Variants in CDC42BPA observed in about 807,000 individuals in gnomAD.
CDC42BPA encodes the protein serine/threonine-protein kinase MRCK alpha.
Under a neutral mutation model 223.5 loss-of-function variants are expected in CDC42BPA, and 80 were observed. The observed-to-expected ratio is 0.36, with a 90% confidence interval of 0.30 to 0.43. The LOEUF is 0.43. Among genes scored for constraint, CDC42BPA ranks in the 20% least tolerant of loss-of-function variants. The pLI, the probability that CDC42BPA is intolerant of heterozygous loss-of-function variation, is 1.00. For missense variants in CDC42BPA, 1,743 were observed against 2,099.9 expected, an observed-to-expected ratio of 0.83 and a Z score of 3.32; for synonymous variants, 694 against 718.6, an observed-to-expected ratio of 0.97 and a Z score of 0.55.
intron 10 of CDC42BPA, among the ~76,000 whole-genome samples, chr1:227,131,194 C>G (rs1462699598): frequency 5.3e-5 from 8 of 152,162 alleles, no homozygotes; most frequent in Non-Finnish European, 8.8e-5. Context: ...CATAAATCCC[C>G]TACGGCAGAT....
chr1:227,170,519 T>G (rs963029836), intron 5 of CDC42BPA, among the ~76,000 whole-genome samples: 2 of 151,946 alleles, frequency 1.3e-5, no homozygotes, highest in African/African-American at 4.8e-5. Flanking sequence ...TTTCAGGGTG[T>G]ATGGTGGACA....
chr1:227,246,290 G>GTA (rs1343782589), intron 2 of CDC42BPA, among the ~76,000 whole-genome samples: 3 of 152,232 alleles, frequency 2.0e-5, no homozygotes, highest in African/African-American at 7.2e-5. Flanking sequence ...CACAGACGTA[G>GTA]TAAAAATAAA....
At chr1:227,261,561 ACAAT>A (rs2148368631) in intron 1 of CDC42BPA, among the ~76,000 whole-genome samples, 1 of 144,786 alleles carries the variant, frequency 6.9e-6, no homozygotes, top group East Asian at 1.9e-4. Context: ...TTTTAAATAT[ACAAT>A]CAAACTAATG....
intron 16 of CDC42BPA, among the ~76,000 whole-genome samples, chr1:227,088,518 T>C (rs1483978654): frequency 1.3e-5 from 2 of 152,190 alleles, no homozygotes; most frequent in African/African-American, 4.8e-5. Flanking sequence ...AAAATACCTG[T>C]TTTGTGGTGA....
chr1:227,133,174 C>A (rs1444354649), intron 10 of CDC42BPA, among the ~76,000 whole-genome samples: 1 of 148,816 alleles, frequency 6.7e-6, no homozygotes, highest in African/African-American at 2.5e-5. Context: ...AACTGAGGAA[C>A]CCCTCTGCCT....
chr1:227,177,651 A>C (rs1019290026), intron 5 of CDC42BPA, among the ~76,000 whole-genome samples: 6 of 152,120 alleles, frequency 3.9e-5, no homozygotes, highest in African/African-American at 1.4e-4. Context: ...GTTCTGGTGC[A>C]ATTCTAAAAG....
intron 2 of CDC42BPA, among the ~76,000 whole-genome samples, chr1:227,217,847 C>T (rs1402878256): frequency 6.6e-6 from 1 of 152,194 alleles, no homozygotes; most frequent in Non-Finnish European, 1.5e-5. Flanking sequence ...CTCACTCCTT[C>T]AATGAAATGT....
intron 11 of CDC42BPA, among the ~76,000 whole-genome samples, chr1:227,125,656 T>TC (rs1233258284): frequency 1.4e-5 from 2 of 144,898 alleles, no homozygotes; most frequent in East Asian, 4.2e-4. Flanking sequence ...ACATTAACCC[T>TC]CACTGGCTGA....
rs1053285878 is a variant in CDC42BPA at position 227,121,326 on chromosome 1, T to A, written c.1514-1389A>T. On this transcript the variant is annotated intron_variant, in intron 11 of 36. Coordinates refer to ENST00000366766, the MANE Select transcript of CDC42BPA (RefSeq NM_001394014.1). The stretch of plus-strand genomic sequence containing the variant: ...TGTTGAGACTGATGCTTTCAATAAA[T>A]GAAGCAGTGTTAATATGTTAGTCCT... 2.0e-5 allele frequency among the ~76,000 whole-genome samples: 3 copies of A among 152,238 alleles called. No homozygotes were observed. The East Asian group carries it at 5.8e-4, about 29-fold the overall frequency.
chr1:227,250,812 G>A (rs529211930), intron 2 of CDC42BPA, among the ~76,000 whole-genome samples: 1 of 152,270 alleles, frequency 6.6e-6, no homozygotes, highest in East Asian at 1.9e-4. Flanking sequence ...AGCACTTTGG[G>A]AGGCTGAGGC....
Position 227,040,179 on chromosome 1 carries a change from A to G in CDC42BPA, c.3151T>C (p.Cys1051Arg). 6.2e-7 allele frequency: 1 copy of G among 1,613,364 alleles called. No individual in the cohort carries two copies. Among genetic ancestry groups the G allele is most frequent in the Non-Finnish European group, 8.5e-7 (1 of 1,179,390 alleles). Reference protein sequence around the residue: ...SFTTPTKCHQCTSLMVGLIRQ... With the variant: ...SFTTPTKCHQRTSLMVGLIRQ... The stretch of plus-strand genomic sequence containing the variant: ...ATTAAACCCACCATCAAGGAGGTAC[A>G]CTGATGACACTTGGTAGGAGTAGTA... Residue 1051 changes from cysteine to arginine, a missense_variant, in exon 24 of 37, where the codon TGT (cysteine) becomes CGT (arginine). Around this residue, in one of 6 missense-constraint regions of CDC42BPA, gnomAD observed 678 missense variants for 777.5 expected, o/e 0.87. Coordinates refer to ENST00000366766, the MANE Select transcript of CDC42BPA (RefSeq NM_001394014.1).
At chr1:227,224,979 GA>G (rs910215468) in intron 2 of CDC42BPA, among the ~76,000 whole-genome samples, 15 of 151,736 alleles carry the variant, frequency 9.9e-5, no homozygotes, top group African/African-American at 2.9e-4. Context: ...CTAACAGAGG[GA>G]AAAAAAATCT....
intron 24 of CDC42BPA, 64 bp downstream of exon 24, chr1:227,040,067 G>GA (rs1671068019): frequency 1.0e-6 from 1 of 990,812 alleles, no homozygotes; most frequent in Non-Finnish European, 1.6e-6. Flanking sequence ...CTTTGAAAGA[G>GA]AATCAACTTA....
intron 16 of CDC42BPA, among the ~76,000 whole-genome samples, chr1:227,085,871 A>G (rs1406461191): frequency 1.3e-5 from 2 of 152,240 alleles, no homozygotes; most frequent in Non-Finnish European, 2.9e-5. Context: ...TTCACCCATT[A>G]TAAGTGTATA....
chr1:227,003,829 A>G (rs997318455), intron 35 of CDC42BPA, among the ~76,000 whole-genome samples: 4 of 151,004 alleles, frequency 2.6e-5, no homozygotes, highest in African/African-American at 9.9e-5. Flanking sequence ...TAAAAACAAA[A>G]AACAAACAAA....
At chr1:227,309,078 A>T (rs544410699) in intron 1 of CDC42BPA, among the ~76,000 whole-genome samples, 78 of 152,168 alleles carry the variant, frequency 5.1e-4, no homozygotes, top group African/African-American at 1.8e-3. Flanking sequence ...AGAAAAAAGA[A>T]AAAAGGCCAG....
rs34352900 is a variant in CDC42BPA at position 227,196,338 on chromosome 1, C to CTTTTTTTTTTTT, written c.451-2416_451-2405dup. Among the ~76,000 whole-genome samples the CTTTTTTTTTTTT allele has an allele frequency of 1.9e-4, 18 of 92,350 alleles. 2 individuals carry two copies. Among genetic ancestry groups the CTTTTTTTTTTTT allele is most frequent in the African/African-American group, 4.7e-4 (10 of 21,190 alleles). 60.6% of individuals were successfully genotyped at this position (92,350 alleles called of 152,430 possible). A position where few individuals can be genotyped will look rare whatever the true frequency, so the allele number is the denominator to read the frequency against. ...GCTTTCTTTTTACTATTAAACAATACTTTTTTTTTTTTTTTTTTTGAGACA... is the reference window on the plus strand; with the variant it reads ...GCTTTCTTTTTACTATTAAACAATACTTTTTTTTTTTTTTTTTTTTTTTTTTTTTTTGAGACA... On this transcript the variant is annotated intron_variant, in intron 4 of 36. Coordinates refer to ENST00000366766, the MANE Select transcript of CDC42BPA (RefSeq NM_001394014.1).
At chr1:227,094,021 T>G (rs531941947) in intron 15 of CDC42BPA, among the ~76,000 whole-genome samples, 17 of 152,176 alleles carry the variant, frequency 1.1e-4, no homozygotes, top group Non-Finnish European at 2.1e-4. Context: ...CAACTATCTT[T>G]AACACCTACC....
intron 4 of CDC42BPA, among the ~76,000 whole-genome samples, chr1:227,194,182 T>G (rs1234720165): frequency 6.6e-6 from 1 of 152,170 alleles, no homozygotes; most frequent in African/African-American, 2.4e-5. Context: ...TTGTTGTATT[T>G]TGCAAAGAGC....
Sources: gnomAD v4.1 joint callset for allele counts (sites outside exome capture counted in the v4.1 genomes callset) on GRCh38, gnomAD v4.1.1 for gene constraint, gnomAD v4.1.1 regional missense constraint, MANE v1.5 for transcripts, NCBI Gene and HGNC (gene_info 2026-07-23, HGNC 2026-07-21) for gene names.